Variants in EFEMP2 observed in about 807,000 individuals in gnomAD.
EFEMP2 encodes EGF-like fibulin extracellular matrix protein 2, also known as EGF-containing fibulin-like extracellular matrix protein 2.
In EFEMP2, 21 loss-of-function variants were observed where a neutral mutation model predicts 55.3. The ratio of observed to expected loss-of-function variants is 0.38; its 90% confidence interval spans 0.27 to 0.55. The LOEUF is 0.55. Ranked by LOEUF, EFEMP2 falls within the 20% of genes least tolerant of loss-of-function variation. The pLI, the probability that EFEMP2 is intolerant of heterozygous loss-of-function variation, is 0.77. For synonymous variants in EFEMP2, 275 were observed against 242.3 expected, an observed-to-expected ratio of 1.14 and a Z score of -1.25; for missense variants, 513 against 615.1, an observed-to-expected ratio of 0.83 and a Z score of 1.76.
rs760696788 is a variant in EFEMP2, at chr11:65,870,216, C to T, written c.512G>A (p.Arg171His). 1.8e-5 allele frequency: 29 copies of T among 1,613,312 alleles called. No homozygotes were observed. The highest frequency in any genetic ancestry group is 1.4e-4 in the South Asian group (13 of 91,060). Residue 171 changes from arginine (R) to histidine (H), a missense_variant, in exon 6 of 11, where the codon CGC (arginine) becomes CAC (histidine). Arg to His is a conservative substitution (Grantham distance 29). Coordinates refer to ENST00000307998, the MANE Select transcript of EFEMP2 (RefSeq NM_016938.5). ...ECVDIDECRY[R>H]YCQHRCVNLP... ...GTTCACGCAGCGGTGCTGGCAGTAG[C>T]GGTAGCGGCACTCGTCTATGTCTAG...
At chr11:65,868,108 A>T (rs1345224381) in intron 9 of EFEMP2, 52 bp from the exon 10 acceptor site, 1 of 1,596,018 alleles carries the variant, frequency 6.3e-7, no homozygotes, top group East Asian at 2.3e-5. Flanking sequence ...CGTCCCCCCA[A>T]TTTCTCCTAC....
In EFEMP2 at chr11:65,871,139, A is replaced by G; in HGVS notation, c.367+18T>C. The G allele has an allele frequency of 6.2e-7, 1 of 1,613,848 alleles. No individual in the cohort carries two copies. The highest frequency in any genetic ancestry group is 8.5e-7 in the Non-Finnish European group (1 of 1,179,930). ...GTGAGAGGACTGGAAGCCAGGCACC[A>G]GAGCAGTCCCCACTCACCCACACAG... is the stretch of plus-strand genomic sequence containing the variant. On this transcript the variant is annotated intron_variant, in intron 4 of 10. Coordinates refer to ENST00000307998, the MANE Select transcript of EFEMP2 (RefSeq NM_016938.5).
In EFEMP2 at chr11:65,867,038, C is replaced by T. The variant is rs148302546; in HGVS notation, c.1212G>A (p.Pro404=). The T allele has an allele frequency of 1.1e-4, 176 of 1,614,050 alleles. No individual in the cohort carries two copies. Among genetic ancestry groups the T allele is most frequent in the Non-Finnish European group, 1.3e-4 (156 of 1,180,036 alleles). The stretch of plus-strand genomic sequence containing the variant: ...GCACGTACTCCCGGGGGCCCGTCAC[C>T]GGCCGGGCGAGGACCAGCATGGCGC... ...NVSAMLVLAR[P]VTGPREYVLD... Residue 404 remains proline, a synonymous_variant, in exon 11 of 11, where the codon CCG becomes CCA. Coordinates refer to ENST00000307998, the MANE Select transcript of EFEMP2 (RefSeq NM_016938.5).
chr11:65,869,236 C>T (rs1418091620), intron 7 of EFEMP2: 2 of 195,138 alleles, frequency 1.0e-5, no homozygotes, highest in Non-Finnish European at 2.1e-5. Flanking sequence ...CTTAACCTCT[C>T]TTAGCTGAAT....
In EFEMP2 at chr11:65,866,484, A is replaced by G. The variant is rs1859841067; in HGVS notation, c.*434T>C. The G allele has an allele frequency of 3.1e-5, 22 of 702,454 alleles. No homozygotes were observed. The East Asian group carries it at 5.9e-4, about 19-fold the overall frequency. 43.5% of individuals were successfully genotyped at this position (702,454 alleles called of 1,614,324 possible). A position where few individuals can be genotyped will look rare whatever the true frequency, so the allele number is the denominator to read the frequency against. ...GTTTTATAGAAAAACAGGCCCAGGG[A>G]ACTACTAGGGCTTATCCAAATGTAC... On this transcript the variant is annotated 3_prime_UTR_variant, in exon 11 of 11. Transcript: ENST00000307998.
chr11:65,871,983 G>A lies in EFEMP2; in HGVS notation c.147C>T (p.Ser49=), dbSNP rs890199937. ...AGGCACACACACCCCGGCAGTGCTG[G>A]CTGTCTGGGTCCCACTCATAGCCAT... ...CTDGYEWDPD[S]QHCRDVNECL... is the part of the protein sequence containing the mutation. Residue 49 remains serine, a synonymous_variant, in exon 3 of 11, where the codon AGC becomes AGT. Coordinates refer to ENST00000307998, the MANE Select transcript of EFEMP2 (RefSeq NM_016938.5). The A allele has an allele frequency of 1.3e-6, 2 of 1,551,616 alleles. No homozygotes were observed. Among genetic ancestry groups the A allele is most frequent in the Non-Finnish European group, 8.7e-7 (1 of 1,146,958 alleles).
chr11:65,867,787 C>G (rs908295554), intron 10 of EFEMP2, 74 bp downstream of exon 10: 46 of 1,549,796 alleles, frequency 3.0e-5, no homozygotes, highest in Non-Finnish European at 3.9e-5. Context: ...GCAGCCTGGC[C>G]GAGTTCCCCC....
At chr11:65,871,026 C>T in intron 4 of EFEMP2, 131 bp downstream of exon 4, 4 of 1,177,300 alleles carry the variant, frequency 3.4e-6, no homozygotes, top group Non-Finnish European at 4.9e-6. Context: ...AGGTCCTAAA[C>T]AACATGAGTG....
Position 65,872,215 on chromosome 11 carries a change from C to G in EFEMP2, c.111+29G>C, listed in dbSNP as rs374350761. The G allele has an allele frequency of 1.3e-4, 203 of 1,543,676 alleles. 1 individual carries two copies. The highest frequency in any genetic ancestry group is 8.4e-4 in the Middle Eastern group (5 of 5,982). ...GTCTCTTCCTCCCTACCCTTCCTGT[C>G]CCAGGCCAGCGGCCCTCACTGTCCC... On this transcript the variant is annotated intron_variant, in intron 2 of 10. Transcript: ENST00000307998.
At chr11:65,868,124 A>G in intron 9 of EFEMP2, 68 bp from the exon 10 acceptor site, 1 of 1,578,424 alleles carries the variant, frequency 6.3e-7, no homozygotes, top group East Asian at 2.3e-5. Context: ...CCTACCCTAC[A>G]AAGGGAGGGA....
chr11:65,868,028 G>A lies in EFEMP2; in HGVS notation c.1003C>T (p.Leu335=), dbSNP rs765442560. The change falls in exon 10 of 11, where the codon CTA becomes TTA. Residue 335 remains leucine, a synonymous_variant. Coordinates refer to ENST00000307998, the MANE Select transcript of EFEMP2 (RefSeq NM_016938.5). ...ATGGATGAAGGCTGCTCTCGACATAGAGGGTTGGAGGCCGGGCAGAGACAG... is the reference window on the plus strand; with the variant it reads ...ATGGATGAAGGCTGCTCTCGACATAAAGGGTTGGAGGCCGGGCAGAGACAG... ...NRCLCPASNP[L]CREQPSSIVH... The A allele has an allele frequency of 1.5e-5, 25 of 1,613,828 alleles. No homozygotes were observed. Among genetic ancestry groups the A allele is most frequent in the Middle Eastern group, 1.6e-4 (1 of 6,080 alleles).
Position 65,867,060 on chromosome 11 carries a change from G to A in EFEMP2, c.1190C>T (p.Ala397Val). The change falls in exon 11 of 11, where the codon GCC becomes GTC. Residue 397 changes from alanine (A) to valine (V), a missense_variant. Physicochemically the swap from Ala to Val is moderately conservative, Grantham distance 64. Transcript: ENST00000307998. ...FYIRQINNVSAMLVLARPVTG... is the reference protein window; with the variant it reads ...FYIRQINNVSVMLVLARPVTG... ...CACCGGCCGGGCGAGGACCAGCATG[G>A]CGCTGACGTTGTTGATTTGCTGCAG... The A allele has an allele frequency of 6.2e-7, 1 of 1,614,116 alleles. No individual in the cohort carries two copies. Among genetic ancestry groups the A allele is most frequent in the Non-Finnish European group, 8.5e-7 (1 of 1,180,026 alleles).
chr11:65,871,813 C>G, intron 3 of EFEMP2, 157 bp downstream of exon 3: 1 of 944,540 alleles, frequency 1.1e-6, no homozygotes, highest in East Asian at 2.6e-5. Flanking sequence ...CAACTGGCCT[C>G]CAGAGAGCCA....
chr11:65,866,670 G>A lies in EFEMP2; in HGVS notation c.*248C>T, dbSNP rs1198637451. ...TCTCCTCTCGGGGTGACTGAAGCTCGTGGTGCAGAGCTCCCAGCTCCTGTC... is the reference window on the plus strand; with the variant it reads ...TCTCCTCTCGGGGTGACTGAAGCTCATGGTGCAGAGCTCCCAGCTCCTGTC... On this transcript the variant is annotated 3_prime_UTR_variant, in exon 11 of 11. Coordinates refer to ENST00000307998, the MANE Select transcript of EFEMP2 (RefSeq NM_016938.5). 1.8e-5 allele frequency: 13 copies of A among 704,428 alleles called. No homozygotes were observed. The highest frequency in any genetic ancestry group is 3.1e-5 in the Non-Finnish European group (12 of 386,436). The allele number at this position is 704,428 out of a possible 1,614,324, so 43.6% of individuals were successfully genotyped here. A position where few individuals can be genotyped will look rare whatever the true frequency, so the allele number is the denominator to read the frequency against.
Position 65,866,719 on chromosome 11 carries a change from A to T in EFEMP2, c.*199T>A. The T allele has an allele frequency of 1.4e-6, 1 of 740,330 alleles. No homozygotes were observed. Among genetic ancestry groups the T allele is most frequent in the Non-Finnish European group, 2.4e-6 (1 of 418,934 alleles). The allele number at this position is 740,330 out of a possible 1,614,324, so 45.9% of individuals were successfully genotyped here. ...TCAATGGGGGCCCCTGGGCCTGAAC[A>T]TATAGAGACCCCCATTTAGGTGAAC... On this transcript the variant is annotated 3_prime_UTR_variant, in exon 11 of 11. Transcript: ENST00000307998.
rs763944898 is a variant in EFEMP2, at chr11:65,870,229, C to A, written c.499G>T (p.Glu167Ter). 6 of 1,613,168 alleles carry A rather than the reference C, an allele frequency of 3.7e-6. No individual in the cohort carries two copies. In the East Asian group the frequency reaches 1.3e-4, roughly 36 times the overall value. The change falls in exon 6 of 11, where the codon GAG becomes TAG. Residue 167 changes from glutamate to a stop codon, truncating the protein, a stop_gained. Coordinates refer to ENST00000307998, the MANE Select transcript of EFEMP2 (RefSeq NM_016938.5). LOFTEE classifies it high-confidence loss of function. ...KIGPECVDID[E>*]CRYRYCQHRC... is the part of the protein sequence containing the mutation. Reference sequence around the variant, plus strand: ...TGCTGGCAGTAGCGGTAGCGGCACTCGTCTATGTCTAGGGATAGAGGCAGG... The same window carrying A: ...TGCTGGCAGTAGCGGTAGCGGCACTAGTCTATGTCTAGGGATAGAGGCAGG...
At chr11:65,867,611 A>G in intron 10 of EFEMP2, 1 of 531,650 alleles carries the variant, frequency 1.9e-6, no homozygotes, top group Non-Finnish European at 3.4e-6. Flanking sequence ...TTTGTGGGTG[A>G]AGAAACTGAG....
Position 65,868,088 on chromosome 11 carries a change from G to C in EFEMP2, c.975-32C>G, listed in dbSNP as rs594689. On this transcript the variant is annotated intron_variant, in intron 9 of 10. Transcript: ENST00000307998. ...ACCCCGAGGTGGGGGACACAAATGA[G>C]CTCCTTGCCCGTCCCCCCAATTTCT... 5.0e-6 allele frequency: 8 copies of C among 1,608,686 alleles called. No individual in the cohort carries two copies. The Admixed American group carries it at 6.7e-5, about 14-fold the overall frequency.
Position 65,868,375 on chromosome 11 carries a change from T to C in EFEMP2, c.894A>G (p.Gln298=). 2 of 1,613,858 alleles carry C rather than the reference T, an allele frequency of 1.2e-6. No individual in the cohort carries two copies. The highest frequency in any genetic ancestry group is 1.7e-6 in the Non-Finnish European group (2 of 1,180,006). Residue 298 remains glutamine (Q), a synonymous_variant, in exon 9 of 11, where the codon CAA becomes CAG. Transcript: ENST00000307998. ...ESGAHQCSEA[Q]TCVNFHGGYR... is the part of the protein sequence containing the mutation. ...AGCCCCCATGGAAGTTGACACAGGT[T>C]TGGGCCTCGGAGCACTGGTGCGCAC...
Sources: gnomAD v4.1 joint callset for allele counts on GRCh38, gnomAD v4.1.1 for gene constraint, MANE v1.5 for transcripts, NCBI Gene and HGNC (gene_info 2026-07-23, HGNC 2026-07-21) for gene names.